The following CDH12 variants were observed in gnomAD, a reference collection of about 807,000 sequenced individuals.
CDH12 encodes the protein cadherin 12.
In CDH12, 41 loss-of-function variants were observed where a neutral mutation model predicts 74.1. The observed-to-expected ratio is 0.55, with a 90% CI of 0.43 to 0.72. The LOEUF (loss-of-function observed/expected upper bound fraction) is 0.72, where lower values mean the gene tolerates loss of function less well. Ranked by LOEUF, CDH12 falls within the 30% of genes least tolerant of loss-of-function variation. The pLI, the probability that CDH12 is intolerant of heterozygous loss-of-function variation, is 0.00. For synonymous variants in CDH12, 399 were observed against 355.0 expected (o/e 1.12, Z -1.39); for missense variants, 945 against 977.2 (o/e 0.97, Z 0.44).
intron 5 of CDH12, among the ~76,000 whole-genome samples, chr5:21,993,521 G>GCCAGC: frequency 6.6e-6 from 1 of 152,332 alleles, no homozygotes; most frequent in African/African-American, 2.4e-5. Flanking sequence ...AAATACATGT[G>GCCAGC]TTAAAGCTGT....
At chr5:22,569,078 A>C (rs549170480) in intron 1 of CDH12, among the ~76,000 whole-genome samples, 1 of 152,342 alleles carries the variant, frequency 6.6e-6, no homozygotes, top group Admixed American at 6.5e-5. Flanking sequence ...TCTCTGTAGC[A>C]TATGATACTG....
intron 5 of CDH12, among the ~76,000 whole-genome samples, chr5:22,062,136 T>C (rs1741230633): frequency 6.6e-6 from 1 of 152,184 alleles, no homozygotes; most frequent in South Asian, 2.1e-4. Context: ...GGTATTCATA[T>C]ATTGATTTAA....
At chr5:22,672,033 C>T (rs10037678) in intron 1 of CDH12, among the ~76,000 whole-genome samples, 95,365 of 140,754 alleles carry the variant, frequency 0.68, 32,248 homozygotes, top group Admixed American at 0.73. Context: ...TATAAATATA[C>T]GTAAAATATA....
chr5:22,640,150 CCA>C (rs1240563757), intron 1 of CDH12, among the ~76,000 whole-genome samples: 4 of 152,046 alleles, frequency 2.6e-5, no homozygotes, highest in Non-Finnish European at 5.9e-5. Context: ...TGATATGGAT[CCA>C]CTCTATTAAA....
chr5:21,828,951 A>C (rs1437930412), intron 8 of CDH12, among the ~76,000 whole-genome samples: 1 of 105,650 alleles, frequency 9.5e-6, no homozygotes, highest in South Asian at 2.9e-4. Context: ...CTAAATATTT[A>C]GGTATATATT....
chr5:22,374,858 G>T (rs1741451807), intron 3 of CDH12, among the ~76,000 whole-genome samples: 1 of 151,048 alleles, frequency 6.6e-6, no homozygotes, highest in African/African-American at 2.4e-5. Context: ...AAAAAAAATA[G>T]TATTGTTAAA....
rs186019439 is a variant in CDH12 at position 22,369,313 on chromosome 5, T to A, written c.-333+35944A>T. 9.2e-5 allele frequency among the ~76,000 whole-genome samples: 14 copies of A among 152,282 alleles called. No homozygotes were observed. The South Asian group carries it at 1.2e-3, about 14-fold the overall frequency. On this transcript the variant is annotated intron_variant, in intron 3 of 14. Transcript: ENST00000382254. Reference sequence around the variant, plus strand: ...TTTTTAAAGAAATATTAAAATTTTTTAATATGTAAACAGGATTTAATGGAA... The same window carrying A: ...TTTTTAAAGAAATATTAAAATTTTTAAATATGTAAACAGGATTTAATGGAA...
At chr5:22,079,616 C>G (rs1392177849) in intron 4 of CDH12, among the ~76,000 whole-genome samples, 2 of 151,912 alleles carry the variant, frequency 1.3e-5, no homozygotes, top group East Asian at 3.9e-4. Context: ...TACCAGAAAC[C>G]TTGACAATGT....
At chr5:22,099,710 C>A (rs1472258816) in intron 4 of CDH12, among the ~76,000 whole-genome samples, 2 of 152,214 alleles carry the variant, frequency 1.3e-5, no homozygotes, top group African/African-American at 4.8e-5. Context: ...GTGCTACCCC[C>A]AAACTGCCAC....
At chr5:22,634,283 G>T (rs968234911) in intron 1 of CDH12, among the ~76,000 whole-genome samples, 1 of 152,012 alleles carries the variant, frequency 6.6e-6, no homozygotes, top group Admixed American at 6.6e-5. Context: ...AAAGCAGAGA[G>T]GCAGAAATTA....
chr5:22,146,849 A>G (rs1747218479), intron 4 of CDH12, among the ~76,000 whole-genome samples: 1 of 152,116 alleles, frequency 6.6e-6, no homozygotes, highest in South Asian at 2.1e-4. Context: ...TTTACTTTGT[A>G]TCATATGAAA....
intron 2 of CDH12, among the ~76,000 whole-genome samples, chr5:22,432,923 G>A (rs1347716657): frequency 6.6e-6 from 1 of 152,064 alleles, no homozygotes; most frequent in Non-Finnish European, 1.5e-5. Flanking sequence ...TCAGTTGATT[G>A]AGCATTAGAA....
At position 21,802,458 on chromosome 5, in the gene CDH12, A is replaced by C. The variant is rs763565255; in HGVS notation, c.1003-38T>G. The C allele has an allele frequency of 5.2e-6, 8 of 1,549,250 alleles. No homozygotes were observed. In the East Asian group the frequency reaches 1.8e-4, roughly 35 times the overall value. On this transcript the variant is annotated intron_variant, in intron 9 of 14. Transcript: ENST00000382254. Reference sequence around the variant, plus strand: ...CAAATTAAGAATAAGGAGTAAATTTATATAGAATGTGGCAGAAATGGTGAA... The same window carrying C: ...CAAATTAAGAATAAGGAGTAAATTTCTATAGAATGTGGCAGAAATGGTGAA...
intron 3 of CDH12, among the ~76,000 whole-genome samples, chr5:22,262,504 C>T (rs1240890224): frequency 3.3e-5 from 5 of 151,364 alleles, no homozygotes; most frequent in Non-Finnish European, 7.4e-5. Context: ...TTTTCTTAAT[C>T]CAGTCTATCA....
intron 5 of CDH12, among the ~76,000 whole-genome samples, chr5:22,044,213 C>A (rs764830355): frequency 6.6e-6 from 1 of 151,980 alleles, no homozygotes; most frequent in Non-Finnish European, 1.5e-5. Context: ...ATGGTACTGG[C>A]AAAAAACAAA....
intron 3 of CDH12, among the ~76,000 whole-genome samples, chr5:22,268,287 A>G (rs1736225919): frequency 6.6e-6 from 1 of 152,110 alleles, no homozygotes; most frequent in African/African-American, 2.4e-5. Context: ...ATATATGTAC[A>G]TAAATTTATA....
At chr5:22,094,984 G>A (rs987774907) in intron 4 of CDH12, among the ~76,000 whole-genome samples, 4 of 152,100 alleles carry the variant, frequency 2.6e-5, no homozygotes, top group South Asian at 2.1e-4. Flanking sequence ...GACTCAGCCC[G>A]CCTGTGCCCA....
intron 1 of CDH12, among the ~76,000 whole-genome samples, chr5:22,549,130 T>G (rs1167594907): frequency 1.3e-5 from 2 of 149,088 alleles, no homozygotes; most frequent in African/African-American, 2.4e-5. Context: ...TTATTTGTTT[T>G]TTTTTTGTTT....
At chr5:22,039,207 G>T (rs968046892) in intron 5 of CDH12, among the ~76,000 whole-genome samples, 1 of 151,946 alleles carries the variant, frequency 6.6e-6, no homozygotes, top group Non-Finnish European at 1.5e-5. Context: ...GAGCCCTATT[G>T]GTCTGGTTCC....
Sources: gnomAD v4.1 joint callset for allele counts (sites outside exome capture counted in the v4.1 genomes callset) on GRCh38, gnomAD v4.1.1 for gene constraint, MANE v1.5 for transcripts, NCBI Gene and HGNC (gene_info 2026-07-23, HGNC 2026-07-21) for gene names.